CHD6: variants seen among roughly 807,000 people sequenced by gnomAD.
The protein encoded by CHD6 is chromodomain helicase DNA binding protein 6.
CHD6 carries 50 observed loss-of-function variants against 276.9 expected under a neutral mutation model. The ratio of observed to expected loss-of-function variants is 0.18; its 90% confidence interval spans 0.14 to 0.23. CHD6 has a LOEUF of 0.23. Among genes scored for constraint, CHD6 ranks in the 10% least tolerant of loss-of-function variants. The pLI, the probability that CHD6 is intolerant of heterozygous loss-of-function variation, is 1.00. For synonymous variants in CHD6, 1,173 were observed against 1,229.3 expected (o/e 0.95, Z 0.96); for missense variants, 2,564 against 3,365.8 (o/e 0.76, Z 5.89).
chr20:41,446,585 G>A (rs1047817378), intron 24 of CHD6, among the ~76,000 whole-genome samples: 1 of 152,264 alleles, frequency 6.6e-6, no homozygotes, highest in South Asian at 2.1e-4. Context: ...TGCCTCTGAA[G>A]TTTCTTCTTC....
intron 20 of CHD6, among the ~76,000 whole-genome samples, chr20:41,454,033 C>T (rs1431075440): frequency 2.6e-5 from 4 of 152,160 alleles, no homozygotes; most frequent in African/African-American, 9.7e-5. Context: ...GGGTGCCTCA[C>T]AGTGGGCTGG....
intron 1 of CHD6, among the ~76,000 whole-genome samples, chr20:41,554,199 A>C (rs912353732): frequency 6.6e-6 from 1 of 152,166 alleles, no homozygotes; most frequent in African/African-American, 2.4e-5. Flanking sequence ...TTAATAAAAA[A>C]TTACTTTTGT....
chr20:41,596,405 A>G (rs1399683922), intron 1 of CHD6, among the ~76,000 whole-genome samples: 5 of 152,182 alleles, frequency 3.3e-5, no homozygotes, highest in Admixed American at 3.3e-4. Context: ...TTAGGACCAC[A>G]AGTATACACT....
intron 5 of CHD6, among the ~76,000 whole-genome samples, chr20:41,502,589 T>C (rs936079919): frequency 3.3e-5 from 5 of 152,378 alleles, no homozygotes; most frequent in Admixed American, 3.3e-4. Flanking sequence ...TAGTTCTTTT[T>C]CATGACTGTC....
At position 41,402,811 on chromosome 20, in the gene CHD6, G is replaced by C. The variant is rs2046569653; in HGVS notation, c.*1782C>G. The C allele has an allele frequency of 1.4e-5, 3 of 210,074 alleles. No homozygotes were observed. The South Asian group carries it at 5.6e-4, about 39-fold the overall frequency. The allele number at this position is 210,074 out of a possible 1,614,324, so 13.0% of individuals were successfully genotyped here. A position where few individuals can be genotyped will look rare whatever the true frequency, so the allele number is the denominator to read the frequency against. On this transcript the variant is annotated 3_prime_UTR_variant, in exon 37 of 37. Transcript: ENST00000373233. ...AACTGAACAAAATGTTAGTTAAATA[G>C]AGAGAGCAGCATTTCTAAGAAATCT...
At chr20:41,464,685 T>G (rs1032107141) in intron 17 of CHD6, among the ~76,000 whole-genome samples, 5 of 152,190 alleles carry the variant, frequency 3.3e-5, no homozygotes, top group Non-Finnish European at 7.3e-5. Flanking sequence ...CCTAGCTCCA[T>G]GTGCACAGAG....
rs1297154480 is a variant in CHD6, at chr20:41,488,545, G to C, written c.1740C>G (p.Ile580Met). The C allele has an allele frequency of 6.2e-7, 1 of 1,613,874 alleles. No homozygotes were observed. The highest frequency in any genetic ancestry group is 8.5e-7 in the Non-Finnish European group (1 of 1,179,854). ...FHVVITTFEM[I>M]LADCPELKKI... is the part of the protein sequence containing the mutation. ...TCTTCAACTCTGGGCAGTCTGCTAG[G>C]ATCATTTCAAATGTTGTGATGACGA... The change falls in exon 13 of 37, where the codon ATC becomes ATG. Residue 580 changes from isoleucine to methionine, a missense_variant. Physicochemically the swap from Ile to Met is conservative, Grantham distance 10 (BLOSUM62 1). Transcript: ENST00000373233.
At chr20:41,437,409 C>A in intron 26 of CHD6, 75 bp from the exon 27 acceptor site, 1 of 965,746 alleles carries the variant, frequency 1.0e-6, no homozygotes, top group South Asian at 1.5e-5. Flanking sequence ...CCCTGGTCAA[C>A]CACAGTCCAA....
In CHD6 at chr20:41,405,273, T is replaced by A; in HGVS notation, c.7468A>T (p.Ile2490Phe). The change falls in exon 37 of 37, where the codon ATC becomes TTC. Residue 2490 changes from isoleucine (I) to phenylalanine (F), a missense_variant. Coordinates refer to ENST00000373233, the MANE Select transcript of CHD6 (RefSeq NM_032221.5). ...AACCCCACCAGCCCGGTGAGGGGGA[T>A]GCCTGGCATATTTCTCATGTTCTGA... ...GLQNMRNMPG[I>F]PLTGLVGFPA... 1 of 1,614,208 alleles carries A rather than the reference T, an allele frequency of 6.2e-7. No individual in the cohort carries two copies. Among genetic ancestry groups the A allele is most frequent in the Non-Finnish European group, 8.5e-7 (1 of 1,180,024 alleles).
intron 2 of CHD6, among the ~76,000 whole-genome samples, chr20:41,550,370 C>T (rs1368789985): frequency 1.3e-5 from 2 of 152,176 alleles, no homozygotes; most frequent in African/African-American, 4.8e-5. Flanking sequence ...AGTTTGTAGG[C>T]AGTATTTAGT....
At chr20:41,457,130 A>T in intron 18 of CHD6, 134 bp downstream of exon 18, 1 of 1,002,812 alleles carries the variant, frequency 1.0e-6, no homozygotes. Context: ...TGTTGTAGGG[A>T]ATTACCCAAT....
intron 1 of CHD6, among the ~76,000 whole-genome samples, chr20:41,568,110 A>G (rs1363993321): frequency 2.0e-5 from 3 of 152,368 alleles, no homozygotes; most frequent in South Asian, 2.1e-4. Flanking sequence ...TGATAAAACT[A>G]TCATTTAAAA....
chr20:41,535,524 A>G (rs955814916), intron 2 of CHD6, among the ~76,000 whole-genome samples: 2 of 152,186 alleles, frequency 1.3e-5, no homozygotes, highest in Non-Finnish European at 2.9e-5. Flanking sequence ...AACTACAATG[A>G]TTGCTAGGCC....
At chr20:41,550,576 G>C (rs1014287665) in intron 2 of CHD6, among the ~76,000 whole-genome samples, 10 of 152,108 alleles carry the variant, frequency 6.6e-5, no homozygotes, top group African/African-American at 2.2e-4. Flanking sequence ...CAACCTCTTT[G>C]TTACAGAGTC....
chr20:41,530,728 A>C (rs960487025), intron 3 of CHD6, among the ~76,000 whole-genome samples: 15 of 152,232 alleles, frequency 9.9e-5, no homozygotes, highest in Admixed American at 3.3e-4. Flanking sequence ...GAGTACATAG[A>C]AGAATTCTAT....
chr20:41,520,154 T>G (rs929316339), intron 3 of CHD6, among the ~76,000 whole-genome samples: 2 of 152,134 alleles, frequency 1.3e-5, no homozygotes, highest in Admixed American at 6.5e-5. Flanking sequence ...TGGTGATCAT[T>G]AAAAAGTCAG....
intron 5 of CHD6, among the ~76,000 whole-genome samples, chr20:41,500,639 CT>C (rs893303811): frequency 6.6e-6 from 1 of 152,084 alleles, no homozygotes; most frequent in Non-Finnish European, 1.5e-5. Context: ...AGTATTTGCT[CT>C]GCTTGGTTCC....
intron 2 of CHD6, among the ~76,000 whole-genome samples, chr20:41,546,695 A>ATTTTTAT (rs2045049645): frequency 6.6e-6 from 1 of 152,198 alleles, no homozygotes; most frequent in Admixed American, 6.5e-5. Flanking sequence ...ATTAGAGTTC[A>ATTTTTAT]CATTTTATTT....
rs2044732743 is a variant in CHD6 at position 41,533,179 on chromosome 20, T to C, written c.425A>G (p.His142Arg). ...CCCATCTTTTTGCTTCGGCTCCTTGTGCTCCTTGGCCTTCTTCGGCTCCTT... is the reference window on the plus strand; with the variant it reads ...CCCATCTTTTTGCTTCGGCTCCTTGCGCTCCTTGGCCTTCTTCGGCTCCTT... Reference protein sequence around the residue: ...KAKEPKKAKEHKEPKQKDGAK... With the variant: ...KAKEPKKAKERKEPKQKDGAK... Residue 142 changes from histidine to arginine, a missense_variant, in exon 3 of 37, where the codon CAC becomes CGC. Coordinates refer to ENST00000373233, the MANE Select transcript of CHD6 (RefSeq NM_032221.5). 1 of 1,613,946 alleles carries C rather than the reference T, an allele frequency of 6.2e-7. No homozygotes were observed. Among genetic ancestry groups the C allele is most frequent in the Admixed American group, 1.7e-5 (1 of 60,018 alleles).
Sources: gnomAD v4.1 joint callset for allele counts (sites outside exome capture counted in the v4.1 genomes callset) on GRCh38, gnomAD v4.1.1 for gene constraint, MANE v1.5 for transcripts, NCBI Gene and HGNC (gene_info 2026-07-23, HGNC 2026-07-21) for gene names.